ZMAT1: variants seen among roughly 807,000 people sequenced by gnomAD.
The protein encoded by ZMAT1 is zinc finger matrin-type 1.
ZMAT1 carries 11 observed loss-of-function variants against 18.5 expected under a neutral mutation model. The observed-to-expected ratio is 0.59, with a 90% CI of 0.37 to 0.98. The LOEUF is 0.98. ZMAT1 is among the 50% of genes least tolerant of loss of function. The pLI, the probability that ZMAT1 is intolerant of heterozygous loss-of-function variation, is 0.01. For missense variants in ZMAT1, 525 were observed against 496.2 expected, an observed-to-expected ratio of 1.06 and a Z score of -0.55; for synonymous variants, 211 against 176.4, an observed-to-expected ratio of 1.20 and a Z score of -1.55.
chrX:101,897,926 C>T lies in ZMAT1; in HGVS notation c.618G>A (p.Leu206=). The T allele has an allele frequency of 8.3e-7, 1 of 1,211,409 alleles. No homozygotes were observed. Among genetic ancestry groups the T allele is most frequent in the Non-Finnish European group, 1.1e-6 (1 of 895,294 alleles). Residue 206 remains leucine (L), a synonymous_variant, in exon 4 of 6, where the codon CTG becomes CTA. Transcript: ENST00000651725. ...GATCATGTTCCTCCATTAATTGCTT[C>T]AGTTTTTTAGCATGGACCTTTCCCA... ...HYVGKVHAKK[L]KQLMEEHDQA...
intron 1 of ZMAT1, among the ~76,000 whole-genome samples, chrX:101,929,327 C>A (rs1930267301): frequency 9.4e-6 from 1 of 106,258 alleles, no homozygotes; most frequent in African/African-American, 3.4e-5. Context: ...TATTGGCACA[C>A]CACCAAGTAA....
chrX:101,929,157 C>A, intron 1 of ZMAT1, among the ~76,000 whole-genome samples: 1 of 109,969 alleles, frequency 9.1e-6, no homozygotes, highest in East Asian at 2.8e-4. Flanking sequence ...CAGATGAAAT[C>A]CTCAAGAATA....
chrX:101,929,452 TATATAC>T (rs1276812566), intron 1 of ZMAT1, among the ~76,000 whole-genome samples: 9 of 60,871 alleles, frequency 1.5e-4, no homozygotes, highest in African/African-American at 7.1e-4. Context: ...TATATATATA[TATATAC>T]ACACAGAGAG....
At chrX:101,903,199 G>A (rs1010451545) in intron 2 of ZMAT1, among the ~76,000 whole-genome samples, 1 of 111,405 alleles carries the variant, frequency 9.0e-6, no homozygotes, top group African/African-American at 3.3e-5. Context: ...CTAAAGATGT[G>A]CTAGGCACTC....
intron 4 of ZMAT1, chrX:101,890,169 C>G (rs1927278896): frequency 8.9e-6 from 1 of 112,006 alleles, no homozygotes; most frequent in South Asian, 3.7e-4. Context: ...CTATACAACA[C>G]TGACTCTCAA....
At position 101,886,690 on chromosome X, in the gene ZMAT1, C is replaced by G. The variant is rs753374763; in HGVS notation, c.718G>C (p.Ala240Pro). ...CGGAACATATCTAAAGATGTAAAAG[C>G]AATACTACAAATATGGCAAACATAG... ...RTYVCHICSIAFTSLDMFRSH... is the reference protein window; with the variant it reads ...RTYVCHICSIPFTSLDMFRSH... The change falls in exon 5 of 6, where the codon GCT (alanine) becomes CCT (proline). Residue 240 changes from alanine to proline, a missense_variant. Physicochemically the swap from Ala to Pro is conservative, Grantham distance 27. Transcript: ENST00000651725. 8.3e-7 allele frequency: 1 copy of G among 1,202,539 alleles called. No individual in the cohort carries two copies. Among genetic ancestry groups the G allele is most frequent in the Non-Finnish European group, 1.1e-6 (1 of 890,787 alleles).
intron 1 of ZMAT1, among the ~76,000 whole-genome samples, chrX:101,910,461 A>C (rs1232346331): frequency 8.9e-6 from 1 of 112,936 alleles, no homozygotes; most frequent in East Asian, 2.8e-4. Context: ...GGAGAAACAG[A>C]AACATGTGGA....
At chrX:101,908,915 C>A (rs1035546076) in intron 1 of ZMAT1, among the ~76,000 whole-genome samples, 1 of 110,703 alleles carries the variant, frequency 9.0e-6, no homozygotes, top group Admixed American at 9.6e-5. Context: ...GGGCACATGA[C>A]ATACTGAGAC....
In ZMAT1 at chrX:101,884,644, G is replaced by A. The variant is rs1181756463; in HGVS notation, c.954C>T (p.Ser318=). ...GTTCAAACATTCTATGTCTGGGTCT[G>A]GAATCGACCACTTCTCTGTATCTAC... is the stretch of plus-strand genomic sequence containing the variant. ...ETRRYREVVD[S]RPRHRMFEQR... is the part of the protein sequence containing the mutation. The change falls in exon 6 of 6, where the codon TCC becomes TCT. Residue 318 remains serine (S), a synonymous_variant. Coordinates refer to ENST00000651725, the MANE Select transcript of ZMAT1 (RefSeq NM_001394560.1). The A allele has an allele frequency of 1.7e-6, 2 of 1,207,565 alleles. No homozygotes were observed. The highest frequency in any genetic ancestry group is 1.8e-5 in the African/African-American group (1 of 56,578).
At chrX:101,909,664 G>A (rs1928831017) in intron 1 of ZMAT1, among the ~76,000 whole-genome samples, 1 of 112,687 alleles carries the variant, frequency 8.9e-6, no homozygotes, top group Non-Finnish European at 1.9e-5. Flanking sequence ...GGTGGCCGTG[G>A]CTATGGGGTG....
intron 4 of ZMAT1, among the ~76,000 whole-genome samples, chrX:101,895,168 T>G (rs778469361): frequency 9.8e-5 from 11 of 111,948 alleles, no homozygotes; most frequent in Non-Finnish European, 2.1e-4. Context: ...AGTATTATTA[T>G]TAACCTAACT....
chrX:101,926,251 A>G (rs1431760545), intron 1 of ZMAT1, among the ~76,000 whole-genome samples: 2 of 112,118 alleles, frequency 1.8e-5, no homozygotes, highest in Non-Finnish European at 3.8e-5. Flanking sequence ...AAAATACTCA[A>G]TTCAGTTTGT....
intron 1 of ZMAT1, among the ~76,000 whole-genome samples, chrX:101,919,372 A>C (rs1261717537): frequency 8.9e-6 from 1 of 112,036 alleles, no homozygotes; most frequent in Non-Finnish European, 1.9e-5. Context: ...GAATGTTCAA[A>C]AATTTTGAAG....
intron 2 of ZMAT1, 37 bp downstream of exon 2, chrX:101,904,187 C>T (rs755141083): frequency 2.9e-6 from 3 of 1,033,907 alleles, no homozygotes; most frequent in South Asian, 4.5e-5. Flanking sequence ...CATTTAAAAA[C>T]CTGCTTTAGA....
chrX:101,925,926 C>T (rs906413235), intron 1 of ZMAT1, among the ~76,000 whole-genome samples: 1 of 112,048 alleles, frequency 8.9e-6, no homozygotes, highest in Non-Finnish European at 1.9e-5. Flanking sequence ...GTTGTGACAA[C>T]CAAAAATATC....
intron 1 of ZMAT1, among the ~76,000 whole-genome samples, chrX:101,925,271 T>C (rs1929989612): frequency 2.7e-5 from 3 of 112,256 alleles, no homozygotes; most frequent in African/African-American, 9.7e-5. Flanking sequence ...ATTCCAGTAA[T>C]GTATTTGATT....
chrX:101,904,196 G>A, intron 2 of ZMAT1, 28 bp downstream of exon 2: 1 of 1,094,062 alleles, frequency 9.1e-7, no homozygotes, highest in Non-Finnish European at 1.2e-6. Flanking sequence ...ACCTGCTTTA[G>A]ACCCTACTTC....
At position 101,895,000 on chromosome X, in the gene ZMAT1, C is replaced by T. The variant is rs1269323903; in HGVS notation, c.676+2868G>A. The T allele has an allele frequency of 7.4e-6, 3 of 402,980 alleles. No individual in the cohort carries two copies. The African/African-American group carries it at 8.3e-5, about 11-fold the overall frequency. The allele number at this position is 402,980 out of a possible 1,213,427, so 33.2% of individuals were successfully genotyped here. A position where few individuals can be genotyped will look rare whatever the true frequency, so the allele number is the denominator to read the frequency against. On this transcript the variant is annotated intron_variant, in intron 4 of 5. Transcript: ENST00000651725. ...CTTTACTGTGCCTGAATTCTTGCCA[C>T]TCTTAGCTCCAAGCCCTTTGGTTCA...
chrX:101,921,340 T>C lies in ZMAT1; in HGVS notation c.292+10377A>G, dbSNP rs551088828. ...TTCCAGGTGATACAACAAGGGTAAG[T>C]ATAAACCTTCTTCTAAAATGACAAT... is the stretch of plus-strand genomic sequence containing the variant. On this transcript the variant is annotated intron_variant, in intron 1 of 5. Coordinates refer to ENST00000651725, the MANE Select transcript of ZMAT1 (RefSeq NM_001394560.1). 3.1e-3 allele frequency among the ~76,000 whole-genome samples: 352 copies of C among 112,460 alleles called. 2 individuals are homozygous for C. Among genetic ancestry groups the C allele is most frequent in the Middle Eastern group, 0.023 (5 of 215 alleles).
Sources: allele counts gnomAD v4.1 joint callset (sites outside exome capture counted in the v4.1 genomes callset), GRCh38; gene constraint gnomAD v4.1.1; transcripts MANE v1.5; gene names NCBI Gene and HGNC (gene_info 2026-07-23, HGNC 2026-07-21).